MAP4: variants seen among roughly 807,000 people sequenced by gnomAD.
MAP4 encodes the protein microtubule-associated protein 4.
In MAP4, 76 loss-of-function variants were observed where a neutral mutation model predicts 170.2. The observed-to-expected ratio is 0.45, with a 90% CI of 0.37 to 0.54. MAP4 has a LOEUF of 0.54. MAP4 is among the 20% of genes least tolerant of loss of function. The probability of loss-of-function intolerance (pLI) is 0.00; values close to 1 mark genes in which losing one functional copy is unlikely to be tolerated. For synonymous variants in MAP4, 909 were observed against 994.5 expected (o/e 0.91, Z 1.62); for missense variants, 2,506 against 2,748.0 (o/e 0.91, Z 1.97).
intron 10 of MAP4, among the ~76,000 whole-genome samples, chr3:47,887,832 G>A (rs891264936): frequency 1.4e-5 from 2 of 140,596 alleles, no homozygotes; most frequent in Non-Finnish European, 3.0e-5. Flanking sequence ...GTCTAGCTCA[G>A]GGATTGTAAA....
chr3:47,921,659 T>G, intron 5 of MAP4, 106 bp downstream of exon 5: 1 of 652,314 alleles, frequency 1.5e-6, no homozygotes, highest in Non-Finnish European at 2.8e-6. Context: ...GGTCTCTTTT[T>G]TCTTGTTAAT....
At chr3:47,891,021 T>C in intron 10 of MAP4, 1 of 1,465,244 alleles carries the variant, frequency 6.8e-7, no homozygotes, top group Non-Finnish European at 9.0e-7. Flanking sequence ...TTTAGAAACA[T>C]ACCATCACGT....
At chr3:48,008,129 A>C (rs1466587445) in intron 1 of MAP4, among the ~76,000 whole-genome samples, 3 of 152,144 alleles carry the variant, frequency 2.0e-5, no homozygotes, top group Non-Finnish European at 4.4e-5. Flanking sequence ...TCCATCATCA[A>C]ATGGAAGTGG....
At chr3:48,026,407 C>T (rs1479393659) in intron 1 of MAP4, among the ~76,000 whole-genome samples, 1 of 152,142 alleles carries the variant, frequency 6.6e-6, no homozygotes, top group Non-Finnish European at 1.5e-5. Flanking sequence ...TTAGATTGGC[C>T]TTCAGGACAG....
intron 1 of MAP4, among the ~76,000 whole-genome samples, chr3:48,004,912 G>C (rs2100101355): frequency 6.6e-6 from 1 of 151,992 alleles, no homozygotes; most frequent in Non-Finnish European, 1.5e-5. Flanking sequence ...AAGAGTCATG[G>C]CCTCCTCTCA....
intron 3 of MAP4, among the ~76,000 whole-genome samples, chr3:47,945,830 G>T (rs1479181592): frequency 6.6e-6 from 1 of 151,612 alleles, no homozygotes; most frequent in Non-Finnish European, 1.5e-5. Flanking sequence ...AGTGACCTCA[G>T]TCTCCCAAGT....
At chr3:48,006,708 C>T (rs550908078) in intron 1 of MAP4, among the ~76,000 whole-genome samples, 2 of 152,326 alleles carry the variant, frequency 1.3e-5, no homozygotes, top group Non-Finnish European at 2.9e-5. Context: ...CCATCAAGGA[C>T]TTGAAAGATG....
At chr3:47,997,397 T>C (rs114651076) in intron 2 of MAP4, among the ~76,000 whole-genome samples, 1,493 of 142,422 alleles carry the variant, frequency 0.01, 24 homozygotes, top group African/African-American at 0.037. Flanking sequence ...GAAATATTTT[T>C]AAATATTTTT....
chr3:47,887,551 C>T (rs1331841661), intron 10 of MAP4, among the ~76,000 whole-genome samples: 3 of 152,240 alleles, frequency 2.0e-5, no homozygotes, highest in Non-Finnish European at 4.4e-5. Flanking sequence ...TGCTCCACGG[C>T]GCCCAGTCCC....
intron 10 of MAP4, among the ~76,000 whole-genome samples, chr3:47,896,850 C>T (rs931901318): frequency 1.3e-5 from 2 of 152,084 alleles, no homozygotes; most frequent in African/African-American, 4.8e-5. Flanking sequence ...TCCCTGAATC[C>T]CTTTTAGGAC....
chr3:47,867,061 G>T (rs2081737738), intron 17 of MAP4, among the ~76,000 whole-genome samples, 185 bp downstream of exon 17: 1 of 152,144 alleles, frequency 6.6e-6, no homozygotes, highest in Non-Finnish European at 1.5e-5. Flanking sequence ...GTGTTTAGGG[G>T]CTCACCAGAA....
At chr3:48,083,088 ATC>A (rs2100147410) in intron 1 of MAP4, among the ~76,000 whole-genome samples, 1 of 152,218 alleles carries the variant, frequency 6.6e-6, no homozygotes, top group South Asian at 2.1e-4. Context: ...GCAATGTGGT[ATC>A]CTGGATTGGA....
chr3:47,987,394 T>C (rs2100089378), intron 2 of MAP4: 3 of 1,532,694 alleles, frequency 2.0e-6, no homozygotes, highest in Middle Eastern at 1.7e-4. Flanking sequence ...AAGAGGAAGA[T>C]GAAAAGAAAG....
chr3:48,002,164 GCCA>G (rs1251033588), intron 1 of MAP4, among the ~76,000 whole-genome samples: 2 of 150,530 alleles, frequency 1.3e-5, no homozygotes, highest in African/African-American at 2.5e-5. Flanking sequence ...TCTGTGAATA[GCCA>G]CCACAACTCC....
intron 10 of MAP4, chr3:47,891,459 G>GTGT (rs1296307338): frequency 6.5e-7 from 1 of 1,528,334 alleles, no homozygotes; most frequent in Non-Finnish European, 8.7e-7. Context: ...AGTTTCCCAG[G>GTGT]TGTAGGACTA....
intron 3 of MAP4, among the ~76,000 whole-genome samples, chr3:47,945,242 C>T (rs1485406162): frequency 6.6e-6 from 1 of 151,852 alleles, no homozygotes; most frequent in East Asian, 1.9e-4. Flanking sequence ...GTCCCAGCTA[C>T]TCGGGAGGCT....
At chr3:48,077,552 C>A (rs2100144589) in intron 1 of MAP4, among the ~76,000 whole-genome samples, 1 of 149,816 alleles carries the variant, frequency 6.7e-6, no homozygotes, top group South Asian at 2.2e-4. Flanking sequence ...CTGCCCCAGG[C>A]TGGTCTTGAA....
At chr3:47,917,763 T>C (rs2100040576) in intron 6 of MAP4, among the ~76,000 whole-genome samples, 1 of 152,014 alleles carries the variant, frequency 6.6e-6, no homozygotes, top group Non-Finnish European at 1.5e-5. Context: ...GGCACAGAAT[T>C]AGTATTAGAA....
At chr3:47,919,119 G>C (rs182011040) in intron 5 of MAP4, among the ~76,000 whole-genome samples, 136 of 151,610 alleles carry the variant, frequency 9.0e-4, no homozygotes, top group African/African-American at 3.2e-3. Context: ...TTTTAGTAGA[G>C]GCGGGGTTTC....
Sources: allele counts gnomAD v4.1 joint callset (sites outside exome capture counted in the v4.1 genomes callset), GRCh38; gene constraint gnomAD v4.1.1; transcripts MANE v1.5; gene names NCBI Gene and HGNC (gene_info 2026-07-23, HGNC 2026-07-21).